TAFA1: variants seen among roughly 807,000 people sequenced by gnomAD.
The protein encoded by TAFA1 is TAFA chemokine like family member 1.
A neutral mutation model predicts 18.5 loss-of-function variants in TAFA1; 4 were observed. That is an observed-to-expected ratio of 0.22 (90% CI 0.11 to 0.49). The LOEUF (loss-of-function observed/expected upper bound fraction) is 0.49, where lower values mean the gene tolerates loss of function less well. Ranked by LOEUF, TAFA1 falls within the 20% of genes least tolerant of loss-of-function variation. The pLI, the probability that TAFA1 is intolerant of heterozygous loss-of-function variation, is 0.98. For missense variants in TAFA1, 147 were observed against 169.0 expected (o/e 0.87, Z 0.72); for synonymous variants, 56 against 55.2 (o/e 1.01, Z -0.06).
intron 2 of TAFA1, among the ~76,000 whole-genome samples, chr3:68,305,216 T>A (rs1263321941): frequency 1.4e-5 from 2 of 147,176 alleles, no homozygotes; most frequent in African/African-American, 2.4e-5. Context: ...CACATGGTGT[T>A]TTTCCCATAT....
intron 3 of TAFA1, among the ~76,000 whole-genome samples, chr3:68,535,652 C>G (rs2073267733): frequency 6.6e-6 from 1 of 152,132 alleles, no homozygotes; most frequent in Non-Finnish European, 1.5e-5. Context: ...ATAGAGTAGA[C>G]ATGACTTTGC....
intron 3 of TAFA1, among the ~76,000 whole-genome samples, chr3:68,490,995 C>T (rs2072441604): frequency 6.6e-6 from 1 of 152,044 alleles, no homozygotes; most frequent in Admixed American, 6.6e-5. Context: ...TACACTGCCA[C>T]ACCCAGCTAA....
chr3:68,276,829 T>C (rs1270922492), intron 2 of TAFA1, among the ~76,000 whole-genome samples: 3 of 152,160 alleles, frequency 2.0e-5, no homozygotes, highest in Non-Finnish European at 2.9e-5. Flanking sequence ...AGGTTTGATA[T>C]GCAATATGTT....
intron 2 of TAFA1, among the ~76,000 whole-genome samples, chr3:68,012,739 T>A (rs1575573256): frequency 1.3e-5 from 2 of 152,242 alleles, no homozygotes; most frequent in Non-Finnish European, 2.9e-5. Flanking sequence ...ATTAGAAAGA[T>A]ACCAAACCAC....
chr3:68,188,253 T>C (rs1486414189), intron 2 of TAFA1, among the ~76,000 whole-genome samples: 1 of 151,834 alleles, frequency 6.6e-6, no homozygotes, highest in Admixed American at 6.6e-5. Flanking sequence ...GCGTAACTTT[T>C]TTGGACATTG....
At chr3:68,094,378 G>C (rs902531039) in intron 2 of TAFA1, among the ~76,000 whole-genome samples, 1 of 152,018 alleles carries the variant, frequency 6.6e-6, no homozygotes, top group Non-Finnish European at 1.5e-5. Flanking sequence ...AGGTCCACAG[G>C]CAGGGCTCTT....
intron 3 of TAFA1, among the ~76,000 whole-genome samples, chr3:68,427,775 G>A (rs1488212601): frequency 2.0e-5 from 3 of 151,818 alleles, no homozygotes; most frequent in African/African-American, 7.3e-5. Context: ...TCATGGGAGG[G>A]ACCCAGTTGG....
chr3:68,539,729 AG>A (rs1459721128), intron 4 of TAFA1, among the ~76,000 whole-genome samples: 1 of 21,480 alleles, frequency 4.7e-5, no homozygotes, highest in Non-Finnish European at 8.3e-5. Flanking sequence ...TGGTGGGGGG[AG>A]GGGGTGCATG....
intron 3 of TAFA1, among the ~76,000 whole-genome samples, chr3:68,528,059 C>T (rs930839722): frequency 2.0e-5 from 3 of 152,092 alleles, no homozygotes; most frequent in East Asian, 1.9e-4. Context: ...AAAAAATGAT[C>T]GTATGCATTT....
intron 2 of TAFA1, among the ~76,000 whole-genome samples, chr3:68,267,630 G>A (rs559797986): frequency 7.2e-5 from 11 of 151,978 alleles, no homozygotes; most frequent in South Asian, 2.1e-4. Flanking sequence ...ATTTCTCTAC[G>A]TCTTGAAAGT....
chr3:68,522,798 G>A (rs961251840), intron 3 of TAFA1, among the ~76,000 whole-genome samples: 4 of 151,298 alleles, frequency 2.6e-5, no homozygotes, highest in South Asian at 4.2e-4. Flanking sequence ...GCAGTAAGCC[G>A]AGATCATACC....
At position 68,368,024 on chromosome 3, in the gene TAFA1, A is replaced by G. The variant is rs534053740; in HGVS notation, c.119-49256A>G. 6.6e-5 allele frequency among the ~76,000 whole-genome samples: 10 copies of G among 152,320 alleles called. No homozygotes were observed. The East Asian group carries it at 1.7e-3, about 26-fold the overall frequency. The stretch of plus-strand genomic sequence containing the variant: ...GTACATATTCCCATACATTTATTTG[A>G]ATCCCCAGTGATACTCTAAAAGCTA... On this transcript the variant is annotated intron_variant, in intron 2 of 4. Coordinates refer to ENST00000478136, the MANE Select transcript of TAFA1 (RefSeq NM_213609.4).
intron 2 of TAFA1, among the ~76,000 whole-genome samples, chr3:68,399,543 A>C (rs17047626): frequency 0.029 from 4,476 of 152,104 alleles, 192 homozygotes; most frequent in East Asian, 0.13. Context: ...CCCTTTCCCA[A>C]TTGCTCTCAG....
chr3:68,275,335 G>A (rs2067773321), intron 2 of TAFA1, among the ~76,000 whole-genome samples: 1 of 151,996 alleles, frequency 6.6e-6, no homozygotes, highest in African/African-American at 2.4e-5. Context: ...CTGCCAAGGG[G>A]TAGGAATAAA....
chr3:68,379,624 T>G (rs916841212), intron 2 of TAFA1, among the ~76,000 whole-genome samples: 2 of 152,098 alleles, frequency 1.3e-5, no homozygotes. Context: ...TTTAGAGGTT[T>G]GGGTTTTACA....
intron 2 of TAFA1, among the ~76,000 whole-genome samples, chr3:68,113,874 C>A (rs2065291341): frequency 7.2e-6 from 1 of 139,416 alleles, no homozygotes; most frequent in African/African-American, 2.6e-5. Flanking sequence ...GACAGTGTGA[C>A]AGTTTGGGGT....
intron 2 of TAFA1, among the ~76,000 whole-genome samples, chr3:68,253,907 G>T (rs930163111): frequency 2.6e-5 from 4 of 152,162 alleles, no homozygotes; most frequent in Non-Finnish European, 5.9e-5. Flanking sequence ...ATTAGTTTCA[G>T]ATTGAAGGTC....
intron 2 of TAFA1, among the ~76,000 whole-genome samples, chr3:68,275,478 C>T (rs2067776949): frequency 6.7e-6 from 1 of 149,344 alleles, no homozygotes; most frequent in South Asian, 2.1e-4. Flanking sequence ...TTCAGATCAT[C>T]CAAGGCCTTG....
intron 2 of TAFA1, among the ~76,000 whole-genome samples, chr3:68,131,715 T>G (rs1032079400): frequency 6.6e-6 from 1 of 152,156 alleles, no homozygotes; most frequent in Non-Finnish European, 1.5e-5. Context: ...TGCCTTACAA[T>G]CACTGTAGTA....
Sources: gnomAD v4.1 joint callset for allele counts (sites outside exome capture counted in the v4.1 genomes callset) on GRCh38, gnomAD v4.1.1 for gene constraint, MANE v1.5 for transcripts, NCBI Gene and HGNC (gene_info 2026-07-23, HGNC 2026-07-21) for gene names.